Variants in PFKFB2 observed in about 807,000 individuals in gnomAD.
The protein encoded by PFKFB2 is 6-phosphofructo-2-kinase/fructose-2,6-bisphosphatase 2.
In PFKFB2, 53 loss-of-function variants were observed where a neutral mutation model predicts 68.0. The observed-to-expected ratio is 0.78, with a 90% CI of 0.63 to 0.98. PFKFB2 has a LOEUF of 0.98. PFKFB2 is among the 50% of genes least tolerant of loss of function. The pLI, the probability that PFKFB2 is intolerant of heterozygous loss-of-function variation, is 0.00. For missense variants in PFKFB2, 451 were observed against 642.0 expected, an observed-to-expected ratio of 0.70 and a Z score of 3.22; for synonymous variants, 222 against 227.6, an observed-to-expected ratio of 0.98 and a Z score of 0.22.
chr1:207,063,360 C>T lies in PFKFB2; in HGVS notation c.389C>T (p.Thr130Ile). Residue 130 changes from threonine (T) to isoleucine (I), a missense_variant, in exon 6 of 15, where the codon ACC becomes ATC. Coordinates refer to ENST00000367080, the MANE Select transcript of PFKFB2 (RefSeq NM_006212.2). The surrounding 1 kb of genome is among the most constrained non-coding windows in gnomAD (Gnocchi z 4.1). ...ENGQIAVFDA[T>I]NTTRERRDMI... is the part of the protein sequence containing the mutation. The stretch of plus-strand genomic sequence containing the variant: ...CTTTCTTCACAGGTGTTTGATGCCA[C>T]CAATACAACCCGGGAGAGGAGGGAC... The T allele has an allele frequency of 1.9e-6, 3 of 1,613,474 alleles. No individual in the cohort carries two copies. Among genetic ancestry groups the T allele is most frequent in the Non-Finnish European group, 2.5e-6 (3 of 1,179,482 alleles).
chr1:207,058,118 G>A lies in PFKFB2; in HGVS notation c.85+3316G>A, dbSNP rs550062230. On this transcript the variant is annotated intron_variant, in intron 2 of 14. Transcript: ENST00000367080. ...TTGGGCAGCATCAACTATAGCCATA[G>A]TGGTTAACTGAAACATCAGCTTTCT... Among the ~76,000 whole-genome samples, 16 of 152,322 alleles carry A rather than the reference G, an allele frequency of 1.1e-4. No individual in the cohort carries two copies. In the South Asian group the frequency reaches 3.3e-3, roughly 32 times the overall value.
chr1:207,077,355 G>C lies in PFKFB2; in HGVS notation c.*4984G>C. 1.0e-6 allele frequency: 1 copy of C among 984,736 alleles called. No individual in the cohort carries two copies. The highest frequency in any genetic ancestry group is 1.1e-4 in the East Asian group (1 of 8,802). The allele number at this position is 984,736 out of a possible 1,614,324, so 61.0% of individuals were successfully genotyped here. ...AAATTGATTTTAAGGGTTGGCAAAAGTATTTTTTCCAGTAAGCCTTTCACT... is the reference window on the plus strand; with the variant it reads ...AAATTGATTTTAAGGGTTGGCAAAACTATTTTTTCCAGTAAGCCTTTCACT... On this transcript the variant is annotated 3_prime_UTR_variant, in exon 15 of 15. Transcript: ENST00000367080.
rs1236180052 is a variant in PFKFB2 at position 207,071,188 on chromosome 1, A to T, written c.1223A>T (p.Asp408Val). Residue 408 changes from aspartate (D) to valine (V), a missense_variant and splice_region_variant, in exon 13 of 15, where the codon GAT becomes GTT. Transcript: ENST00000367080. The part of the protein sequence containing the change: ...LLAYFLDKGA[D>V]ELPYLRCPLH... ...CCTCGCCTGGTCTTTCTGTTTTCAG[A>T]TGAGCTACCATACTTGAGATGCCCT... is the stretch of plus-strand genomic sequence containing the variant. The T allele has an allele frequency of 6.2e-7, 1 of 1,613,392 alleles. No homozygotes were observed. The highest frequency in any genetic ancestry group is 1.6e-4 in the Middle Eastern group (1 of 6,062).
chr1:207,067,742 T>C, intron 9 of PFKFB2, 36 bp downstream of exon 9: 1 of 1,524,704 alleles, frequency 6.6e-7, no homozygotes, highest in Non-Finnish European at 9.1e-7. Context: ...TTTTCTAGGC[T>C]TAGAGTTAGA....
At chr1:207,044,675 T>C (rs1682551601) in intron 2 of PFKFB2, 1 of 152,386 alleles carries the variant, frequency 6.6e-6, no homozygotes, top group Non-Finnish European at 1.5e-5. Context: ...TGCTACATTC[T>C]ATGACAAGAA....
chr1:207,070,531 ACAG>A lies in PFKFB2; in HGVS notation c.1222+126_1222+128del. 3.7e-6 allele frequency: 4 copies of A among 1,093,870 alleles called. No homozygotes were observed. The highest frequency in any genetic ancestry group is 3.9e-6 in the Non-Finnish European group (3 of 773,674). The allele number at this position is 1,093,870 out of a possible 1,614,324, so 67.8% of individuals were successfully genotyped here. A position where few individuals can be genotyped will look rare whatever the true frequency, so the allele number is the denominator to read the frequency against. On this transcript the variant is annotated intron_variant, in intron 12 of 14. Transcript: ENST00000367080. The surrounding 1 kb of genome is among the most constrained non-coding windows in gnomAD (Gnocchi z 4.2). ...ACTCAAATTAGAGTACTTTCTCCAG[ACAG>A]CAGTGTGGGGCTCCCAGCAGCCACT...
At chr1:207,056,545 A>T (rs886822818) in intron 2 of PFKFB2, among the ~76,000 whole-genome samples, 2 of 151,682 alleles carry the variant, frequency 1.3e-5, no homozygotes, top group African/African-American at 4.9e-5. Flanking sequence ...AATCTCTTCT[A>T]CCTGCTTTCC....
chr1:207,063,042 C>A lies in PFKFB2; in HGVS notation c.309-101C>A, dbSNP rs1683164044. The A allele has an allele frequency of 1.0e-6, 1 of 982,500 alleles. No homozygotes were observed. The highest frequency in any genetic ancestry group is 2.4e-5 in the East Asian group (1 of 42,106). 60.9% of individuals were successfully genotyped at this position (982,500 alleles called of 1,614,324 possible). A position where few individuals can be genotyped will look rare whatever the true frequency, so the allele number is the denominator to read the frequency against. ...GAGAAAGGTTTTGAACAGTGGGAAA[C>A]TAAGTGGGCAGGGATGTGACTTCTG... On this transcript the variant is annotated intron_variant, in intron 4 of 14. Transcript: ENST00000367080. This position sits in a 1 kb window ranked among gnomAD's most constrained non-coding sequence, Gnocchi z 4.1.
rs769907023 is a variant in PFKFB2, at chr1:207,072,401, G to A, written c.*30G>A. 2 of 1,604,154 alleles carry A rather than the reference G, an allele frequency of 1.2e-6. No homozygotes were observed. The highest frequency in any genetic ancestry group is 3.4e-5 in the Admixed American group (2 of 58,722). On this transcript the variant is annotated 3_prime_UTR_variant, in exon 15 of 15. Transcript: ENST00000367080. ...AGACCCAAGTCAGCATTCCGGTGGT[G>A]TAACTGTGTGTTTCCCTCCAGCCCT...
In PFKFB2 at chr1:207,061,264, A is replaced by G. The variant is rs549241721; in HGVS notation, c.86-689A>G. On this transcript the variant is annotated intron_variant, in intron 2 of 14. Coordinates refer to ENST00000367080, the MANE Select transcript of PFKFB2 (RefSeq NM_006212.2). ...TATCTTGAACTCCTGGCCTCAAGTG[A>G]TCCTCCCACCTCATTCTCCCAAATT... is the stretch of plus-strand genomic sequence containing the variant. Among the ~76,000 whole-genome samples, 8 of 140,854 alleles carry G rather than the reference A, an allele frequency of 5.7e-5. No homozygotes were observed. In the South Asian group the frequency reaches 1.8e-3, roughly 32 times the overall value. The allele number at this position is 140,854 out of a possible 152,430, so 92.4% of individuals were successfully genotyped here.
intron 1 of PFKFB2, among the ~76,000 whole-genome samples, chr1:207,038,467 T>G (rs965447689): frequency 1.3e-5 from 2 of 152,232 alleles, no homozygotes; most frequent in Non-Finnish European, 2.9e-5. Flanking sequence ...TTTATCATAC[T>G]GTGACCAGAC....
Position 207,035,923 on chromosome 1 carries a change from A to G in PFKFB2, c.-62+1451A>G, listed in dbSNP as rs1048692058. ...TTATTTGCTATAATGACTCATTATT[A>G]ACAATAGACAGGGCCATGGAACATA... On this transcript the variant is annotated intron_variant, in intron 1 of 5. Transcript: ENST00000545806. Among the ~76,000 whole-genome samples, 29 of 152,168 alleles carry G rather than the reference A, an allele frequency of 1.9e-4. 2 individuals are homozygous for G. Among genetic ancestry groups the G allele is most frequent in the Non-Finnish European group, 1.5e-5 (1 of 68,030 alleles).
chr1:207,051,122 C>T (rs1682741657), upstream of PFKFB2: 1 of 1,422,900 alleles, frequency 7.0e-7, no homozygotes, highest in East Asian at 2.6e-5. Context: ...TTTAAAGTGA[C>T]AACTGATTTT....
intron 2 of PFKFB2, among the ~76,000 whole-genome samples, chr1:207,056,937 G>A (rs982210910): frequency 6.6e-5 from 10 of 152,110 alleles, no homozygotes; most frequent in Non-Finnish European, 1.3e-4. Flanking sequence ...TAGCTTAACC[G>A]TTGTTCCCTT....
rs1281939933 is a variant in PFKFB2, at chr1:207,067,660, TG to T, written c.798del (p.Lys267ArgfsTer19). On this transcript the variant is annotated frameshift_variant, in exon 9 of 15. Transcript: ENST00000367080. LOFTEE classifies it high-confidence loss of function. ...CRHGESEFNL[L>X]GKIGGDSGLS... ...CATGGAGAAAGCGAGTTCAATCTCT[TG>T]GGGAAGATTGGGGGTGACTCTGGCC... The T allele has an allele frequency of 6.2e-7, 1 of 1,613,638 alleles. No individual in the cohort carries two copies. Among genetic ancestry groups the T allele is most frequent in the Middle Eastern group, 1.6e-4 (1 of 6,062 alleles).
Position 207,073,991 on chromosome 1 carries a change from G to T in PFKFB2, c.*1620G>T, listed in dbSNP as rs1683548376. 3.0e-6 allele frequency: 3 copies of T among 984,286 alleles called. No individual in the cohort carries two copies. The Middle Eastern group carries it at 1.6e-3, about 509-fold the overall frequency. 61.0% of individuals were successfully genotyped at this position (984,286 alleles called of 1,614,324 possible). A position where few individuals can be genotyped will look rare whatever the true frequency, so the allele number is the denominator to read the frequency against. On this transcript the variant is annotated 3_prime_UTR_variant, in exon 15 of 15. Transcript: ENST00000367080. ...TTCATTTGGTAATGGAAGACTTTTTGCTGTGGTTCTCATCCAGGAGTATTC... is the reference window on the plus strand; with the variant it reads ...TTCATTTGGTAATGGAAGACTTTTTTCTGTGGTTCTCATCCAGGAGTATTC...
intron 2 of PFKFB2, among the ~76,000 whole-genome samples, chr1:207,058,619 C>CATTT (rs2102342602): frequency 6.6e-6 from 1 of 152,042 alleles, no homozygotes; most frequent in South Asian, 2.1e-4. Context: ...TTTTAAAATA[C>CATTT]ATTTATTTAT....
upstream of PFKFB2, chr1:207,048,789 C>T: frequency 2.0e-6 from 1 of 491,368 alleles, no homozygotes; most frequent in South Asian, 2.6e-5. Context: ...TATTCTGTCA[C>T]TCCAGCAGAA....
upstream of PFKFB2, chr1:207,051,092 C>G (rs1457798779): frequency 6.3e-6 from 9 of 1,439,354 alleles, no homozygotes; most frequent in Admixed American, 1.4e-4. Flanking sequence ...TGCCTTAGTA[C>G]CTTAGCAAGC....
Sources: gnomAD v4.1 joint callset for allele counts (sites outside exome capture counted in the v4.1 genomes callset) on GRCh38, gnomAD v4.1.1 for gene constraint, Gnocchi (gnomAD v3.1) non-coding constraint, MANE v1.5 for transcripts, NCBI Gene and HGNC (gene_info 2026-07-23, HGNC 2026-07-21) for gene names.